STOX1: variants seen among roughly 807,000 people sequenced by gnomAD.
STOX1 encodes the protein storkhead box 1, also known as storkhead-box protein 1.
In STOX1, 57 loss-of-function variants were observed where a neutral mutation model predicts 74.8. The observed-to-expected ratio is 0.76, with a 90% CI of 0.62 to 0.95. The LOEUF (loss-of-function observed/expected upper bound fraction) is 0.95. Ranked by LOEUF, STOX1 falls within the 40% of genes least tolerant of loss-of-function variation. The probability of loss-of-function intolerance (pLI) is 0.00; values close to 1 mark genes in which losing one functional copy is unlikely to be tolerated. For missense variants in STOX1, 1,010 were observed against 1,117.0 expected, an observed-to-expected ratio of 0.90 and a Z score of 1.37; for synonymous variants, 375 against 401.3, an observed-to-expected ratio of 0.93 and a Z score of 0.78.
chr10:68,886,417 T>TTGG lies in STOX1; in HGVS notation c.2624_2626dup (p.Gly875dup). 1 of 1,614,190 alleles carries TTGG rather than the reference T, an allele frequency of 6.2e-7. No homozygotes were observed. Among genetic ancestry groups the TTGG allele is most frequent in the Non-Finnish European group, 8.5e-7 (1 of 1,180,020 alleles). On this transcript the variant is annotated inframe_insertion, in exon 3 of 4. Transcript: ENST00000298596. ...GAAGCTGAAGTCATACAAGACACTA[T>TTGG]TGGTGACACAGGAAAGAAGCCAGCT...
At chr10:68,832,340 G>A (rs1312137097) in intron 1 of STOX1, among the ~76,000 whole-genome samples, 1 of 152,216 alleles carries the variant, frequency 6.6e-6, no homozygotes, top group Non-Finnish European at 1.5e-5. Context: ...TCTCCACCCT[G>A]TCACCCCCAG....
In STOX1 at chr10:68,888,740, A is replaced by T. The variant is rs145877918; in HGVS notation, c.2822+2122A>T. Among the ~76,000 whole-genome samples, 464 of 133,082 alleles carry T rather than the reference A, an allele frequency of 3.5e-3. 6 individuals carry two copies. The highest frequency in any genetic ancestry group is 0.013 in the African/African-American group (451 of 34,860). The allele number at this position is 133,082 out of a possible 152,430, so 87.3% of individuals were successfully genotyped here. ...GCTTCAACCTCCCTGGGCTCAAGTG[A>T]TCCTCCTACCTTAGTCTCCCATGTA... On this transcript the variant is annotated intron_variant, in intron 3 of 3. Transcript: ENST00000298596.
Position 68,884,263 on chromosome 10 carries a change from T to C in STOX1, c.467T>C (p.Ile156Thr), listed in dbSNP as rs771198552. 11 of 1,614,096 alleles carry C rather than the reference T, an allele frequency of 6.8e-6. No individual in the cohort carries two copies. In the South Asian group the frequency reaches 1.1e-4, roughly 16 times the overall value. ...GTAAAATGCTTGTCTGTTTTAGGCATTGCAATTCCATCGGAAGATATTCTT... is the reference window on the plus strand; with the variant it reads ...GTAAAATGCTTGTCTGTTTTAGGCACTGCAATTCCATCGGAAGATATTCTT... ...LERLMKHYPGIAIPSEDILYT... is the reference protein window; with the variant it reads ...LERLMKHYPGTAIPSEDILYT... Residue 156 changes from isoleucine (I) to threonine (T), a missense_variant, in exon 3 of 4, where the codon ATT becomes ACT. Ile to Thr is a moderately conservative substitution (Grantham distance 89). Transcript: ENST00000298596.
chr10:68,842,281 G>C (rs906763628), intron 1 of STOX1, among the ~76,000 whole-genome samples: 1 of 152,106 alleles, frequency 6.6e-6, no homozygotes, highest in African/African-American at 2.4e-5. Context: ...GGCTTTCAGA[G>C]GCCATCCTGG....
chr10:68,851,664 A>G (rs1287989395), intron 1 of STOX1, among the ~76,000 whole-genome samples: 2 of 152,034 alleles, frequency 1.3e-5, no homozygotes, highest in South Asian at 2.1e-4. Context: ...AACATGGTGA[A>G]ACCCTGTCTC....
At chr10:68,877,840 C>T (rs1423872925) in intron 1 of STOX1, among the ~76,000 whole-genome samples, 3 of 152,210 alleles carry the variant, frequency 2.0e-5, no homozygotes, top group Admixed American at 6.5e-5. Context: ...CAGGCTTTGC[C>T]CTCTATATCT....
rs1241797369 is a variant in STOX1 at position 68,827,669 on chromosome 10, C to A, written c.46C>A (p.Leu16Met). 2 of 1,131,550 alleles carry A rather than the reference C, an allele frequency of 1.8e-6. No individual in the cohort carries two copies. Among genetic ancestry groups the A allele is most frequent in the Non-Finnish European group, 2.2e-6 (2 of 923,880 alleles). 70.1% of individuals were successfully genotyped at this position (1,131,550 alleles called of 1,614,324 possible). A position where few individuals can be genotyped will look rare whatever the true frequency, so the allele number is the denominator to read the frequency against. Residue 16 changes from leucine to methionine, a missense_variant, in exon 1 of 4, where the codon CTG becomes ATG. Transcript: ENST00000298596. ...QLAPGSLALVLCRLEAQKAAG... is the reference protein window; with the variant it reads ...QLAPGSLALVMCRLEAQKAAG... Reference sequence around the variant, plus strand: ...GGCGCCGGGCTCGCTGGCGCTAGTGCTGTGCCGGCTGGAGGCGCAGAAGGC... The same window carrying A: ...GGCGCCGGGCTCGCTGGCGCTAGTGATGTGCCGGCTGGAGGCGCAGAAGGC...
In STOX1 at chr10:68,886,312, G is replaced by C. The variant is rs763888154; in HGVS notation, c.2516G>C (p.Ser839Thr). ...GGTTTTAACTACGAAGAAGAACCCA[G>C]TGTTGCTAAATGTGTACAGGCCTCA... is the stretch of plus-strand genomic sequence containing the variant. The part of the protein sequence containing the change: ...QFGFNYEEEP[S>T]VAKCVQASAP... The change falls in exon 3 of 4, where the codon AGT becomes ACT. Residue 839 changes from serine (S) to threonine (T), a missense_variant. Ser to Thr is a moderately conservative substitution (Grantham distance 58). Coordinates refer to ENST00000298596, the MANE Select transcript of STOX1 (RefSeq NM_152709.5). The C allele has an allele frequency of 4.3e-6, 7 of 1,614,224 alleles. No individual in the cohort carries two copies. The highest frequency in any genetic ancestry group is 5.9e-6 in the Non-Finnish European group (7 of 1,180,040).
chr10:68,889,334 A>T (rs1374869654), intron 3 of STOX1, among the ~76,000 whole-genome samples: 1 of 152,042 alleles, frequency 6.6e-6, no homozygotes. Context: ...CAAGTGTAAA[A>T]CGTTTTTTTG....
chr10:68,858,227 G>A (rs2133553208), intron 1 of STOX1, among the ~76,000 whole-genome samples: 1 of 152,184 alleles, frequency 6.6e-6, no homozygotes, highest in South Asian at 2.1e-4. Context: ...TGAAGAAGGT[G>A]GCCAGCTCCT....
At chr10:68,894,756 G>T (rs1173725081), downstream of STOX1, among the ~76,000 whole-genome samples, 1 of 152,244 alleles carries the variant, frequency 6.6e-6, no homozygotes, top group Admixed American at 6.5e-5. Context: ...TTGAGACGGG[G>T]TCTCTGTCAC....
intron 1 of STOX1, among the ~76,000 whole-genome samples, chr10:68,856,851 A>G (rs1277442760): frequency 6.6e-6 from 1 of 152,118 alleles, no homozygotes; most frequent in Non-Finnish European, 1.5e-5. Flanking sequence ...GGAGGACAGC[A>G]AAATCCAAAG....
chr10:68,868,741 A>G (rs1054466562), intron 1 of STOX1, among the ~76,000 whole-genome samples: 1 of 152,216 alleles, frequency 6.6e-6, no homozygotes, highest in African/African-American at 2.4e-5. Context: ...CTGGTGCCCT[A>G]CAGGAGAAAC....
chr10:68,832,394 C>G (rs1839434122), intron 1 of STOX1, among the ~76,000 whole-genome samples: 1 of 152,228 alleles, frequency 6.6e-6, no homozygotes, highest in South Asian at 2.1e-4. Context: ...TGCCCCAGGC[C>G]ATGCCTGGTG....
rs750721779 is a variant in STOX1 at position 68,886,539 on chromosome 10, G to C, written c.2743G>C (p.Asp915His). 1 of 1,614,140 alleles carries C rather than the reference G, an allele frequency of 6.2e-7. No individual in the cohort carries two copies. Among genetic ancestry groups the C allele is most frequent in the Non-Finnish European group, 8.5e-7 (1 of 1,179,996 alleles). The change falls in exon 3 of 4, where the codon GAT (aspartate) becomes CAT (histidine). Residue 915 changes from aspartate to histidine, a missense_variant. Coordinates refer to ENST00000298596, the MANE Select transcript of STOX1 (RefSeq NM_152709.5). ...NTSHMPVLAQ[D>H]VQYEHSHLEG... ...TTCACATATGCCAGTGTTGGCTCAG[G>C]ATGTCCAATATGAACACAGTCACTT... is the stretch of plus-strand genomic sequence containing the variant.
downstream of STOX1, among the ~76,000 whole-genome samples, chr10:68,893,767 G>T (rs1223681905): frequency 6.6e-6 from 1 of 152,196 alleles, no homozygotes; most frequent in Non-Finnish European, 1.5e-5. Flanking sequence ...GAGATAGAAT[G>T]TGGAGATAGA....
At chr10:68,891,050 C>A (rs560304466) in intron 3 of STOX1, among the ~76,000 whole-genome samples, 3 of 152,046 alleles carry the variant, frequency 2.0e-5, no homozygotes, top group Non-Finnish European at 2.9e-5. Flanking sequence ...GTGGCAAAAA[C>A]AAAACAAAAA....
In STOX1 at chr10:68,886,548, T is replaced by A; in HGVS notation, c.2752T>A (p.Tyr918Asn). ...HMPVLAQDVQ[Y>N]EHSHLEGTEN... ...GCCAGTGTTGGCTCAGGATGTCCAA[T>A]ATGAACACAGTCACTTGGAAGGGAC... The change falls in exon 3 of 4, where the codon TAT becomes AAT. Residue 918 changes from tyrosine to asparagine, a missense_variant. Transcript: ENST00000298596. 6.2e-7 allele frequency: 1 copy of A among 1,614,132 alleles called. No individual in the cohort carries two copies. The highest frequency in any genetic ancestry group is 8.5e-7 in the Non-Finnish European group (1 of 1,180,012).
intron 1 of STOX1, among the ~76,000 whole-genome samples, chr10:68,835,645 C>T (rs751416355): frequency 6.6e-6 from 1 of 152,196 alleles, no homozygotes; most frequent in African/African-American, 2.4e-5. Flanking sequence ...CATGAGCCAC[C>T]GTGCCTGGCC....
Sources: allele counts gnomAD v4.1 joint callset (sites outside exome capture counted in the v4.1 genomes callset), GRCh38; gene constraint gnomAD v4.1.1; transcripts MANE v1.5; gene names NCBI Gene and HGNC (gene_info 2026-07-23, HGNC 2026-07-21).